The following WDR72 variants were observed in gnomAD, a reference collection of about 807,000 sequenced individuals.
WDR72 encodes WD repeat-containing protein 72.
In WDR72, 120 loss-of-function variants were observed where a neutral mutation model predicts 124.2. The ratio of observed to expected loss-of-function variants is 0.97; its 90% CI spans 0.83 to 1.12. The LOEUF is 1.12. Ranked by LOEUF, WDR72 falls within the 50% of genes most tolerant of loss-of-function variation. WDR72 has a pLI of 0.00. For missense variants in WDR72, 1,387 were observed against 1,278.8 expected (o/e 1.08, Z -1.29); for synonymous variants, 452 against 441.7 (o/e 1.02, Z -0.29).
chr15:53,695,140 GT>G (rs2016964081), intron 13 of WDR72, among the ~76,000 whole-genome samples: 2 of 152,062 alleles, frequency 1.3e-5, no homozygotes, highest in African/African-American at 4.8e-5. Context: ...AGCAAACAAG[GT>G]TTCATTGTCC....
intron 15 of WDR72, among the ~76,000 whole-genome samples, chr15:53,614,967 T>C (rs1047841718): frequency 1.3e-5 from 2 of 152,050 alleles, no homozygotes; most frequent in African/African-American, 4.8e-5. Context: ...AAATTTGAGG[T>C]ATGAAATTTT....
intron 13 of WDR72, among the ~76,000 whole-genome samples, chr15:53,686,850 T>C (rs991336806): frequency 2.6e-5 from 4 of 151,634 alleles, no homozygotes; most frequent in African/African-American, 9.7e-5. Context: ...ACAGAAATTA[T>C]AACAAACTGT....
chr15:53,592,784 T>C (rs2012571749), intron 18 of WDR72, among the ~76,000 whole-genome samples: 1 of 118,420 alleles, frequency 8.4e-6, no homozygotes, highest in East Asian at 2.0e-4. Context: ...ACATTCAAAA[T>C]AAAGGGAAAT....
At chr15:53,580,398 A>C (rs2011853321) in intron 18 of WDR72, among the ~76,000 whole-genome samples, 2 of 152,114 alleles carry the variant, frequency 1.3e-5, no homozygotes, top group African/African-American at 4.8e-5. Context: ...TGAAGTAGGA[A>C]ATTTTAGTGA....
At chr15:53,723,995 T>C (rs1414740706) in intron 2 of WDR72, among the ~76,000 whole-genome samples, 1 of 152,006 alleles carries the variant, frequency 6.6e-6, no homozygotes, top group Non-Finnish European at 1.5e-5. Flanking sequence ...AAGAAATAAA[T>C]CCTGCCATTT....
chr15:53,557,457 A>G (rs1342214686), intron 18 of WDR72, among the ~76,000 whole-genome samples: 1 of 152,076 alleles, frequency 6.6e-6, no homozygotes, highest in Non-Finnish European at 1.5e-5. Flanking sequence ...CTCAAACACC[A>G]CATTCAAAAA....
At chr15:53,676,366 C>T (rs1187572349) in intron 13 of WDR72, among the ~76,000 whole-genome samples, 1 of 152,226 alleles carries the variant, frequency 6.6e-6, no homozygotes, top group East Asian at 1.9e-4. Flanking sequence ...TTATAATAAG[C>T]AGATTATTCA....
intron 18 of WDR72, among the ~76,000 whole-genome samples, chr15:53,561,130 C>A (rs1044509635): frequency 4.6e-5 from 7 of 151,704 alleles, no homozygotes; most frequent in Non-Finnish European, 8.8e-5. Context: ...GGAATTTTTA[C>A]CTTCAATAAA....
rs117438725 is a variant in WDR72 at position 53,704,359 on chromosome 15, T to C, written c.1348+629A>G. The stretch of plus-strand genomic sequence containing the variant: ...TTTGTGCAATATAATTAAAAGACTG[T>C]ATGTTGTTATGCTGATATGTGCTTG... On this transcript the variant is annotated intron_variant, in intron 11 of 19. Transcript: ENST00000360509. Among the ~76,000 whole-genome samples the C allele has an allele frequency of 3.9e-5, 6 of 152,292 alleles. No homozygotes were observed. In the East Asian group the frequency reaches 1.2e-3, roughly 29 times the overall value.
At chr15:53,731,223 C>T (rs1203533572) in intron 2 of WDR72, among the ~76,000 whole-genome samples, 3 of 151,970 alleles carry the variant, frequency 2.0e-5, no homozygotes, top group East Asian at 1.9e-4. Context: ...CGCCTAGGCC[C>T]GTCTTCCCCT....
At chr15:53,684,854 C>T (rs2016553547) in intron 13 of WDR72, among the ~76,000 whole-genome samples, 1 of 152,192 alleles carries the variant, frequency 6.6e-6, no homozygotes, top group Admixed American at 6.5e-5. Flanking sequence ...CAGTACGCAG[C>T]TGGAGATCTG....
At position 53,686,085 on chromosome 15, in the gene WDR72, G is replaced by A. The variant is rs187574471; in HGVS notation, c.1765+13665C>T. 9.3e-3 allele frequency among the ~76,000 whole-genome samples: 1,362 copies of A among 145,840 alleles called. 7 individuals are homozygous for A. Among genetic ancestry groups the A allele is most frequent in the East Asian group, 0.029 (135 of 4,720 alleles). ...GTGCTAAACATGGAAAGGAACAACCGGTACCAGCCACTGCAAAATCATGCC... is the reference window on the plus strand; with the variant it reads ...GTGCTAAACATGGAAAGGAACAACCAGTACCAGCCACTGCAAAATCATGCC... On this transcript the variant is annotated intron_variant, in intron 13 of 19. Transcript: ENST00000360509.
At chr15:53,567,543 C>T (rs4776156) in intron 18 of WDR72, among the ~76,000 whole-genome samples, 94,217 of 151,698 alleles carry the variant, frequency 0.62, 31,513 homozygotes, top group Middle Eastern at 0.83. Context: ...CCTGCATATC[C>T]GAGAGAGATG....
upstream of WDR72, among the ~76,000 whole-genome samples, chr15:53,759,824 C>G (rs1006128280): frequency 2.7e-4 from 41 of 151,468 alleles, no homozygotes; most frequent in Admixed American, 2.7e-3. Flanking sequence ...CTTCCTGCAA[C>G]CTGGACCCGC....
chr15:53,665,801 GA>G, intron 13 of WDR72, 33 bp from the exon 14 acceptor site: 1 of 1,594,214 alleles, frequency 6.3e-7, no homozygotes, highest in South Asian at 1.1e-5. Context: ...AAAATGTCAG[GA>G]AAATATTTAC....
intron 17 of WDR72, among the ~76,000 whole-genome samples, chr15:53,603,622 A>G (rs1205567891): frequency 6.6e-6 from 1 of 152,206 alleles, no homozygotes; most frequent in Non-Finnish European, 1.5e-5. Flanking sequence ...TAAGCTGTTA[A>G]GCAACTTCAG....
At chr15:53,547,384 G>A (rs1378925966) in intron 18 of WDR72, among the ~76,000 whole-genome samples, 6 of 152,210 alleles carry the variant, frequency 3.9e-5, no homozygotes, top group South Asian at 4.1e-4. Flanking sequence ...CACCCGCCTC[G>A]GCCTCCCAAA....
chr15:53,562,549 T>C (rs1283052284), intron 18 of WDR72, among the ~76,000 whole-genome samples: 1 of 151,774 alleles, frequency 6.6e-6, no homozygotes, highest in East Asian at 1.9e-4. Flanking sequence ...TGGGCTAGAT[T>C]AGTTGTGATG....
chr15:53,597,668 C>T (rs1156346589), intron 17 of WDR72, among the ~76,000 whole-genome samples: 1 of 152,132 alleles, frequency 6.6e-6, no homozygotes, highest in Non-Finnish European at 1.5e-5. Context: ...CCATGTCTAG[C>T]TCCAAAGCAT....
Sources: allele counts gnomAD v4.1 joint callset (sites outside exome capture counted in the v4.1 genomes callset), GRCh38; gene constraint gnomAD v4.1.1; transcripts MANE v1.5; gene names NCBI Gene and HGNC (gene_info 2026-07-23, HGNC 2026-07-21).